Variants in MCC observed in about 807,000 individuals in gnomAD.
MCC encodes MCC regulator of Wnt signaling pathway.
MCC carries 90 observed loss-of-function variants against 116.2 expected under a neutral mutation model. That is an observed-to-expected ratio of 0.77 (90% confidence interval 0.65 to 0.92). The LOEUF is 0.92. MCC is among the 40% of genes least tolerant of loss of function. MCC has a pLI of 0.00. For missense variants in MCC, 1,516 were observed against 1,312.2 expected, an observed-to-expected ratio of 1.16 and a Z score of -2.40; for synonymous variants, 578 against 510.5, an observed-to-expected ratio of 1.13 and a Z score of -1.78.
At chr5:113,418,088 C>T (rs1318464671) in intron 1 of MCC, among the ~76,000 whole-genome samples, 1 of 151,572 alleles carries the variant, frequency 6.6e-6, no homozygotes, top group African/African-American at 2.4e-5. Context: ...GGAGATACAG[C>T]ATCTAAAGCT....
chr5:113,158,579 G>T (rs574200717), intron 3 of MCC, among the ~76,000 whole-genome samples: 1 of 152,222 alleles, frequency 6.6e-6, no homozygotes, highest in South Asian at 2.1e-4. Flanking sequence ...ATATTTATTG[G>T]TATCAGGGGC....
chr5:113,051,685 C>T (rs754723208), intron 15 of MCC, among the ~76,000 whole-genome samples: 1 of 152,148 alleles, frequency 6.6e-6, no homozygotes, highest in Non-Finnish European at 1.5e-5. Flanking sequence ...GACTGTGTCA[C>T]TGCACTCCAG....
intron 7 of MCC, among the ~76,000 whole-genome samples, chr5:113,102,363 C>G (rs1217637945): frequency 6.6e-6 from 1 of 152,238 alleles, no homozygotes; most frequent in Non-Finnish European, 1.5e-5. Context: ...CATACAAAAT[C>G]TAACTTGAAG....
intron 1 of MCC, among the ~76,000 whole-genome samples, chr5:113,461,744 TAA>T (rs56312844): frequency 0.28 from 33,743 of 118,808 alleles, 4,832 homozygotes; most frequent in Admixed American, 0.4. Context: ...CTTGCACCAG[TAA>T]AAAAAAAAAA....
At chr5:113,260,442 GA>G (rs1765180051) in intron 3 of MCC, among the ~76,000 whole-genome samples, 1 of 152,088 alleles carries the variant, frequency 6.6e-6, no homozygotes, top group Admixed American at 6.6e-5. Context: ...TGTTTAGGTT[GA>G]AGTACATAAA....
intron 3 of MCC, among the ~76,000 whole-genome samples, chr5:113,266,762 C>G (rs1483408510): frequency 6.6e-6 from 1 of 151,990 alleles, no homozygotes; most frequent in East Asian, 1.9e-4. Flanking sequence ...TCTTCAACAT[C>G]CCAGCAAGGG....
chr5:113,124,620 T>C (rs563328434), intron 5 of MCC, among the ~76,000 whole-genome samples: 9 of 152,180 alleles, frequency 5.9e-5, no homozygotes, highest in Non-Finnish European at 1.3e-4. Flanking sequence ...TAGAGATTAC[T>C]AGGATGAACT....
In MCC at chr5:113,139,658, A is replaced by G. The variant is rs141890042; in HGVS notation, c.884+3560T>C. ...GTAATGCTTTTACACTGTTGGTGGG[A>G]GTGTAAATTAGTTCAACCATTGTGG... is the stretch of plus-strand genomic sequence containing the variant. On this transcript the variant is annotated intron_variant, in intron 5 of 18. Coordinates refer to ENST00000408903, the MANE Select transcript of MCC (RefSeq NM_001085377.2). Among the ~76,000 whole-genome samples, 1,096 of 152,334 alleles carry G rather than the reference A, an allele frequency of 7.2e-3. 18 individuals are homozygous for G. Among genetic ancestry groups the G allele is most frequent in the African/African-American group, 0.025 (1,047 of 41,582 alleles).
chr5:113,331,275 T>A (rs1305314746), intron 3 of MCC, among the ~76,000 whole-genome samples: 1 of 151,780 alleles, frequency 6.6e-6, no homozygotes. Flanking sequence ...TTAGAAGACA[T>A]CAGAAAAATA....
chr5:113,401,376 C>A (rs1266365567), intron 1 of MCC, among the ~76,000 whole-genome samples: 1 of 152,094 alleles, frequency 6.6e-6, no homozygotes, highest in Non-Finnish European at 1.5e-5. Flanking sequence ...CAAAATTTTT[C>A]ACTAAGTGCT....
At chr5:113,388,040 G>A (rs1419352934) in intron 1 of MCC, among the ~76,000 whole-genome samples, 1 of 152,056 alleles carries the variant, frequency 6.6e-6, no homozygotes, top group Non-Finnish European at 1.5e-5. Context: ...ACATATATTG[G>A]GCACCCTGGT....
intron 1 of MCC, among the ~76,000 whole-genome samples, chr5:113,411,611 A>G (rs1308547942): frequency 1.3e-5 from 2 of 151,956 alleles, no homozygotes; most frequent in Non-Finnish European, 2.9e-5. Context: ...AATGTCACCC[A>G]CAATCTATAA....
chr5:113,276,655 C>G (rs1297753019), intron 3 of MCC, among the ~76,000 whole-genome samples: 2 of 152,164 alleles, frequency 1.3e-5, no homozygotes, highest in African/African-American at 2.4e-5. Context: ...GAGACAGGGT[C>G]TGGCTCTGTT....
chr5:113,022,614 A>ATAAG lies in MCC; in HGVS notation c.*4684_*4687dup, dbSNP rs1474825507. ...ACTTGCCATTCCTGACATGAGCACT[A>ATAAG]TAAGTGAATACTATGAGTTCTACAA... On this transcript the variant is annotated 3_prime_UTR_variant, in exon 19 of 19. Coordinates refer to ENST00000408903, the MANE Select transcript of MCC (RefSeq NM_001085377.2). 7 of 152,264 alleles carry ATAAG rather than the reference A, an allele frequency of 4.6e-5. No individual in the cohort carries two copies. In the South Asian group the frequency reaches 1.4e-3, roughly 31 times the overall value. The allele number at this position is 152,264 out of a possible 1,614,324, so 9.4% of individuals were successfully genotyped here.
chr5:113,067,047 A>T (rs542330243), intron 13 of MCC, among the ~76,000 whole-genome samples: 1 of 152,202 alleles, frequency 6.6e-6, no homozygotes, highest in Non-Finnish European at 1.5e-5. Flanking sequence ...ACATCACTGC[A>T]GGCTCGGAGC....
chr5:113,245,787 A>T (rs1764551493), intron 3 of MCC, among the ~76,000 whole-genome samples: 1 of 152,196 alleles, frequency 6.6e-6, no homozygotes, highest in Non-Finnish European at 1.5e-5. Flanking sequence ...AATCCTAGCC[A>T]TAAAGAACTC....
intron 4 of MCC, among the ~76,000 whole-genome samples, chr5:113,149,450 A>C (rs1759720909): frequency 6.6e-6 from 1 of 152,166 alleles, no homozygotes; most frequent in African/African-American, 2.4e-5. Context: ...AAATAGTATT[A>C]ACATCCTATA....
Position 113,151,993 on chromosome 5 carries a change from T to C in MCC, c.628-571A>G, listed in dbSNP as rs148879897. Among the ~76,000 whole-genome samples the C allele has an allele frequency of 8.5e-3, 1,295 of 152,254 alleles. 20 individuals carry two copies. The highest frequency in any genetic ancestry group is 0.036 in the East Asian group (187 of 5,188). On this transcript the variant is annotated intron_variant, in intron 3 of 18. Transcript: ENST00000408903. ...TTCTTGTTGGGTCTTCCCTCCTCTT[T>C]GCCTCCCCACTTCCCCCGAAAGGCT...
Position 113,434,775 on chromosome 5 carries a change from G to A in MCC, c.171-49563C>T. The A allele has an allele frequency of 6.2e-7, 1 of 1,613,948 alleles. No homozygotes were observed. The highest frequency in any genetic ancestry group is 8.5e-7 in the Non-Finnish European group (1 of 1,179,876). Reference sequence around the variant, plus strand: ...GTAAGCAGATTTTACTTTTGCATAGGAGCCCTCTCCTAAATTTATCCCCAG... The same window carrying A: ...GTAAGCAGATTTTACTTTTGCATAGAAGCCCTCTCCTAAATTTATCCCCAG... On this transcript the variant is annotated intron_variant, in intron 1 of 18. Coordinates refer to ENST00000408903, the MANE Select transcript of MCC (RefSeq NM_001085377.2). This position sits in a 1 kb window ranked among gnomAD's most constrained non-coding sequence, Gnocchi z 4.2.
Sources: allele counts gnomAD v4.1 joint callset (sites outside exome capture counted in the v4.1 genomes callset), GRCh38; gene constraint gnomAD v4.1.1; non-coding constraint Gnocchi (gnomAD v3.1); transcripts MANE v1.5; gene names NCBI Gene and HGNC (gene_info 2026-07-23, HGNC 2026-07-21).